The following ATP6V0D1 variants were observed in gnomAD, a reference collection of about 807,000 sequenced individuals.
ATP6V0D1 encodes the protein V-type proton ATPase subunit d 1.
Under a neutral mutation model 39.0 loss-of-function variants are expected in ATP6V0D1, and 13 were observed. The observed-to-expected ratio is 0.33, with a 90% CI of 0.22 to 0.53. ATP6V0D1 has a LOEUF of 0.53. ATP6V0D1 is among the 20% of genes least tolerant of loss of function. The probability of loss-of-function intolerance (pLI) is 0.94; values close to 1 mark genes in which losing one functional copy is unlikely to be tolerated. For synonymous variants in ATP6V0D1, 191 were observed against 191.2 expected, an observed-to-expected ratio of 1.00 and a Z score of 0.01; for missense variants, 272 against 470.9, an observed-to-expected ratio of 0.58 and a Z score of 3.91.
intron 2 of ATP6V0D1, among the ~76,000 whole-genome samples, chr16:67,448,949 T>C (rs1413257683): frequency 3.3e-5 from 5 of 152,134 alleles, no homozygotes; most frequent in Middle Eastern, 3.2e-3. Context: ...ACAGTGACTG[T>C]AGATAGCAAA....
intron 2 of ATP6V0D1, among the ~76,000 whole-genome samples, chr16:67,449,951 T>C (rs931876245): frequency 5.9e-5 from 9 of 152,282 alleles, no homozygotes; most frequent in Admixed American, 3.9e-4. Flanking sequence ...AGAAGCCTGC[T>C]CCAGCCAGCC....
At chr16:67,452,416 G>GT (rs2041191581) in intron 2 of ATP6V0D1, 1 of 1,535,092 alleles carries the variant, frequency 6.5e-7, no homozygotes. Context: ...TCCTGGGCAA[G>GT]TGGCTCCTAA....
chr16:67,454,164 T>C (rs951731313), intron 1 of ATP6V0D1, among the ~76,000 whole-genome samples: 1 of 152,060 alleles, frequency 6.6e-6, no homozygotes, highest in Non-Finnish European at 1.5e-5. Flanking sequence ...AAGAGATGCC[T>C]GAAGCTGTGG....
intron 1 of ATP6V0D1, among the ~76,000 whole-genome samples, chr16:67,460,698 G>T (rs965962503): frequency 1.3e-5 from 2 of 151,916 alleles, no homozygotes; most frequent in African/African-American, 4.8e-5. Context: ...TCCCCATCCG[G>T]AACCTTGGCA....
chr16:67,458,217 G>A (rs886621979), intron 1 of ATP6V0D1, among the ~76,000 whole-genome samples: 2 of 152,352 alleles, frequency 1.3e-5, no homozygotes, highest in East Asian at 3.9e-4. Flanking sequence ...CCTAGGACAA[G>A]GCTGGTTGGG....
chr16:67,467,010 A>G (rs2041335849), intron 1 of ATP6V0D1, among the ~76,000 whole-genome samples: 1 of 152,208 alleles, frequency 6.6e-6, no homozygotes, highest in Admixed American at 6.5e-5. Context: ...CCTCTCAGCC[A>G]GACCCTCCCA....
intron 1 of ATP6V0D1, among the ~76,000 whole-genome samples, chr16:67,462,265 C>T (rs1182098701): frequency 6.6e-6 from 1 of 152,222 alleles, no homozygotes; most frequent in East Asian, 1.9e-4. Flanking sequence ...AATCAGACAA[C>T]CCAGCCTCAC....
chr16:67,460,800 G>GC (rs1234140367), intron 1 of ATP6V0D1, among the ~76,000 whole-genome samples: 1 of 152,100 alleles, frequency 6.6e-6, no homozygotes, highest in African/African-American at 2.4e-5. Context: ...CACAGCCCCA[G>GC]CCCCCTCTGC....
At chr16:67,467,613 T>C (rs1277711977) in intron 1 of ATP6V0D1, among the ~76,000 whole-genome samples, 3 of 152,210 alleles carry the variant, frequency 2.0e-5, no homozygotes, top group Non-Finnish European at 2.9e-5. Context: ...AAGTGATTTC[T>C]GTTTCATTTT....
intron 4 of ATP6V0D1, among the ~76,000 whole-genome samples, chr16:67,442,277 T>C (rs976401585): frequency 1.3e-5 from 2 of 152,070 alleles, no homozygotes; most frequent in African/African-American, 4.8e-5. Flanking sequence ...AATAGACAGG[T>C]GAGGTCAGCA....
rs1597566274 is a variant in ATP6V0D1, at chr16:67,439,628, C to CT, written c.562-278dup. On this transcript the variant is annotated intron_variant, in intron 4 of 7. Transcript: ENST00000290949. ...GCTACAGTCTCCTTCACCCCCTCAC[C>CT]TCACAGAAGGCTGGGCTCGCAGGGG... 26 of 505,852 alleles carry CT rather than the reference C, an allele frequency of 5.1e-5. No homozygotes were observed. In the East Asian group the frequency reaches 8.4e-4, roughly 16 times the overall value. 31.3% of individuals were successfully genotyped at this position (505,852 alleles called of 1,614,324 possible).
Position 67,469,475 on chromosome 16 carries a change from A to C in ATP6V0D1, c.130+11482T>G, listed in dbSNP as rs1597582681. ...ACCTGCTCACAGTGGCTATACCTGG[A>C]CAGGGGCCCTGCAGCTCTGGCCAGC... On this transcript the variant is annotated intron_variant, in intron 1 of 7. Coordinates refer to ENST00000290949, the MANE Select transcript of ATP6V0D1 (RefSeq NM_004691.5). Among the ~76,000 whole-genome samples, 4 of 152,342 alleles carry C rather than the reference A, an allele frequency of 2.6e-5. 1 individual carries two copies. The highest frequency in any genetic ancestry group is 2.6e-4 in the Admixed American group (4 of 15,310).
intron 1 of ATP6V0D1, among the ~76,000 whole-genome samples, chr16:67,480,043 CA>C (rs1454731010): frequency 7.6e-6 from 1 of 130,924 alleles, no homozygotes; most frequent in Non-Finnish European, 1.5e-5. Context: ...ACTAAAAATA[CA>C]AAAAATTAGC....
Position 67,444,427 on chromosome 16 carries a change from T to C in ATP6V0D1, c.481+101A>G, listed in dbSNP as rs991383984. 5.2e-6 allele frequency: 7 copies of C among 1,341,282 alleles called. No homozygotes were observed. The highest frequency in any genetic ancestry group is 7.1e-6 in the Non-Finnish European group (7 of 992,588). The allele number at this position is 1,341,282 out of a possible 1,614,324, so 83.1% of individuals were successfully genotyped here. On this transcript the variant is annotated intron_variant, in intron 3 of 7. Transcript: ENST00000290949. The surrounding 1 kb of genome is among the most constrained non-coding windows in gnomAD (Gnocchi z 4.8). ...GTAAGCAGCAGTGGGCAGGTCTCAC[T>C]TTCTGGCTCAGGGTCGCCCCCCAGC... is the stretch of plus-strand genomic sequence containing the variant.
intron 1 of ATP6V0D1, among the ~76,000 whole-genome samples, chr16:67,461,814 G>A (rs1399240694): frequency 6.6e-6 from 1 of 152,180 alleles, no homozygotes; most frequent in Non-Finnish European, 1.5e-5. Flanking sequence ...GGGATCAAAT[G>A]GGAGAGTCAC....
chr16:67,481,143 C>CT lies in ATP6V0D1; in HGVS notation c.-58dup. ...CAGGACCGGCCGGCACGAATCGCGA[C>CT]TCCCCAGGTCAGCTGACGCTGCGTC... On this transcript the variant is annotated 5_prime_UTR_variant, in exon 1 of 8. Transcript: ENST00000290949. The CT allele has an allele frequency of 6.2e-7, 1 of 1,606,046 alleles. No individual in the cohort carries two copies. Among genetic ancestry groups the CT allele is most frequent in the Non-Finnish European group, 8.5e-7 (1 of 1,174,746 alleles).
chr16:67,465,752 G>A (rs2041323972), intron 1 of ATP6V0D1, among the ~76,000 whole-genome samples: 1 of 152,232 alleles, frequency 6.6e-6, no homozygotes, highest in Non-Finnish European at 1.5e-5. Flanking sequence ...GGCACAGGGA[G>A]GTGAGGATGG....
At chr16:67,455,836 T>C (rs893711352) in intron 1 of ATP6V0D1, 1 of 152,206 alleles carries the variant, frequency 6.6e-6, no homozygotes, top group Non-Finnish European at 1.5e-5. Context: ...CTCAGTAAAC[T>C]TGGGTGGTTG....
chr16:67,458,430 G>A (rs575304854), intron 1 of ATP6V0D1, among the ~76,000 whole-genome samples: 2 of 152,314 alleles, frequency 1.3e-5, no homozygotes, highest in Admixed American at 1.3e-4. Context: ...TGGGAAGCCA[G>A]GGGCTAGTTC....
Sources: allele counts gnomAD v4.1 joint callset (sites outside exome capture counted in the v4.1 genomes callset), GRCh38; gene constraint gnomAD v4.1.1; non-coding constraint Gnocchi (gnomAD v3.1); transcripts MANE v1.5; gene names NCBI Gene and HGNC (gene_info 2026-07-23, HGNC 2026-07-21).